HIVEP1: variants seen among roughly 807,000 people sequenced by gnomAD.
HIVEP1 encodes the protein zinc finger protein 40.
A neutral mutation model predicts 180.0 loss-of-function variants in HIVEP1; 36 were observed. That is an observed-to-expected ratio of 0.20 (90% confidence interval 0.15 to 0.26). HIVEP1 has a LOEUF of 0.26. Ranked by LOEUF, HIVEP1 falls within the 10% of genes least tolerant of loss-of-function variation. The pLI is 1.00. For synonymous variants in HIVEP1, 1,239 were observed against 1,239.0 expected (o/e 1.00, Z 0.00); for missense variants, 3,143 against 3,268.7 (o/e 0.96, Z 0.94).
chr6:12,166,571 AT>A (rs1760704666), downstream of HIVEP1, among the ~76,000 whole-genome samples: 1 of 152,230 alleles, frequency 6.6e-6, no homozygotes, highest in Non-Finnish European at 1.5e-5. Flanking sequence ...TCTATAAAAA[AT>A]ATTACCAAAG....
intron 2 of HIVEP1, among the ~76,000 whole-genome samples, chr6:12,041,409 G>A (rs1317862980): frequency 1.0e-4 from 12 of 117,302 alleles, no homozygotes; most frequent in South Asian, 3.4e-4. Context: ...GCGACAGAGC[G>A]AGACTCCGTC....
the HIVEP1 span, among the ~76,000 whole-genome samples, chr6:12,178,661 T>TGGC: frequency 2.6e-5 from 4 of 152,030 alleles, no homozygotes; most frequent in African/African-American, 7.2e-5. Flanking sequence ...GAGGTCTGAG[T>TGGC]TGATGGGGCC....
At chr6:12,189,722 T>C in the HIVEP1 span, among the ~76,000 whole-genome samples, 1 of 152,180 alleles carries the variant, frequency 6.6e-6, no homozygotes, top group Non-Finnish European at 1.5e-5. Context: ...TGGCACTTTC[T>C]ATCAAACATG....
At chr6:12,175,034 T>A in the HIVEP1 span, among the ~76,000 whole-genome samples, 2 of 152,198 alleles carry the variant, frequency 1.3e-5, no homozygotes, top group Admixed American at 1.3e-4. Flanking sequence ...TGACCATAGA[T>A]TGTGTCTCTA....
Position 12,124,797 on chromosome 6 carries a change from C to A in HIVEP1, c.5002C>A (p.Pro1668Thr), listed in dbSNP as rs1235248178. 2 of 1,614,112 alleles carry A rather than the reference C, an allele frequency of 1.2e-6. No homozygotes were observed. The highest frequency in any genetic ancestry group is 2.2e-5 in the South Asian group (2 of 91,082). The change falls in exon 4 of 9, where the codon CCA (proline) becomes ACA (threonine). Residue 1668 changes from proline (P) to threonine (T), a missense_variant. Pro to Thr is a conservative substitution (Grantham distance 38). Coordinates refer to ENST00000379388, the MANE Select transcript of HIVEP1 (RefSeq NM_002114.4). The stretch of plus-strand genomic sequence containing the variant: ...AGTGACCCAAGATCTGCCCAATCAG[C>A]CAATTTGCCAGACTAATCATAGTGT... ...ILVTQDLPNQPICQTNHSVVP... is the reference protein window; with the variant it reads ...ILVTQDLPNQTICQTNHSVVP...
At chr6:12,010,871 C>T (rs1400102156), upstream of HIVEP1, among the ~76,000 whole-genome samples, 5 of 152,310 alleles carry the variant, frequency 3.3e-5, no homozygotes, top group Middle Eastern at 3.4e-3. Flanking sequence ...TAATTACTCC[C>T]TCTTCCCCTT....
At chr6:12,159,704 T>A (rs546092514) in intron 7 of HIVEP1, among the ~76,000 whole-genome samples, 1 of 152,348 alleles carries the variant, frequency 6.6e-6, no homozygotes, top group African/African-American at 2.4e-5. Flanking sequence ...AGCCAGTCAA[T>A]ACTTTGGTAT....
At chr6:12,160,479 AAAG>A (rs1760328266) in intron 7 of HIVEP1, among the ~76,000 whole-genome samples, 1 of 152,240 alleles carries the variant, frequency 6.6e-6, no homozygotes, top group South Asian at 2.1e-4. Context: ...GTGTCAACCA[AAAG>A]AAGAAGCTAA....
intron 3 of HIVEP1, among the ~76,000 whole-genome samples, chr6:12,113,298 C>G (rs1020111257): frequency 6.6e-6 from 1 of 151,386 alleles, no homozygotes; most frequent in Non-Finnish European, 1.5e-5. Context: ...AACACTGGTG[C>G]GGTGAGTTGA....
At chr6:12,016,852 T>G (rs1299259218) in intron 2 of HIVEP1, among the ~76,000 whole-genome samples, 1 of 152,202 alleles carries the variant, frequency 6.6e-6, no homozygotes, top group Non-Finnish European at 1.5e-5. Flanking sequence ...CATTTGTTAC[T>G]GTAGGAAAAG....
chr6:12,121,052 T>C lies in HIVEP1; in HGVS notation c.1257T>C (p.Ser419=), dbSNP rs1231857268. Residue 419 remains serine (S), a synonymous_variant, in exon 4 of 9, where the codon AGT becomes AGC. Transcript: ENST00000379388. The surrounding 1 kb of genome is among the most constrained non-coding windows in gnomAD (Gnocchi z 5.3). ...EYCNRACAKP[S]VLLKHIRSHT... The stretch of plus-strand genomic sequence containing the variant: ...GCAATAGAGCATGTGCAAAGCCTAG[T>C]GTGCTTTTAAAGCATATCCGCTCCC... 6.2e-7 allele frequency: 1 copy of C among 1,614,210 alleles called. No individual in the cohort carries two copies. Among genetic ancestry groups the C allele is most frequent in the East Asian group, 2.2e-5 (1 of 44,890 alleles).
At chr6:12,147,292 AC>A (rs989926169) in intron 7 of HIVEP1, among the ~76,000 whole-genome samples, 8 of 152,092 alleles carry the variant, frequency 5.3e-5, no homozygotes, top group Admixed American at 2.6e-4. Context: ...ACACTTGAAA[AC>A]TATTATTTTT....
At chr6:12,157,750 A>G (rs2113673908) in intron 7 of HIVEP1, among the ~76,000 whole-genome samples, 1 of 147,684 alleles carries the variant, frequency 6.8e-6, no homozygotes, top group Non-Finnish European at 1.5e-5. Context: ...CCTCCATCTG[A>G]TGTTGTGTTC....
At position 12,124,030 on chromosome 6, in the gene HIVEP1, G is replaced by T. The variant is rs773217207; in HGVS notation, c.4235G>T (p.Arg1412Leu). 128 of 1,613,956 alleles carry T rather than the reference G, an allele frequency of 7.9e-5. No homozygotes were observed. Among genetic ancestry groups the T allele is most frequent in the Admixed American group, 5.2e-4 (31 of 59,988 alleles). ...TELQPPSSPS[R>L]VGVTGHVPLL... ...TTGCAGCCTCCATCTTCACCTTCTC[G>T]AGTGGGAGTGACTGGGCATGTGCCT... is the stretch of plus-strand genomic sequence containing the variant. The change falls in exon 4 of 9, where the codon CGA becomes CTA. Residue 1412 changes from arginine (R) to leucine (L), a missense_variant. This residue lies in a region of HIVEP1 where 1,357 missense variants were observed against 1,260.5 expected (regional missense o/e 1.08). Coordinates refer to ENST00000379388, the MANE Select transcript of HIVEP1 (RefSeq NM_002114.4).
chr6:12,023,627 T>C (rs565411474), intron 2 of HIVEP1, among the ~76,000 whole-genome samples: 6 of 151,736 alleles, frequency 4.0e-5, no homozygotes, highest in South Asian at 2.1e-4. Context: ...GATAAAAATA[T>C]GAAAATGGAG....
intron 2 of HIVEP1, among the ~76,000 whole-genome samples, chr6:12,036,720 A>G (rs532281343): frequency 2.8e-4 from 43 of 152,342 alleles, no homozygotes; most frequent in African/African-American, 1.0e-3. Context: ...CCTGGCTAAC[A>G]TGGGGGAACC....
chr6:12,078,837 G>T (rs901930931), intron 2 of HIVEP1, among the ~76,000 whole-genome samples: 4 of 151,486 alleles, frequency 2.6e-5, no homozygotes, highest in Admixed American at 6.6e-5. Context: ...AGTTTGTTTT[G>T]TTTTTTTTAA....
At chr6:12,017,544 G>A (rs113275014) in intron 2 of HIVEP1, among the ~76,000 whole-genome samples, 1,607 of 152,304 alleles carry the variant, frequency 0.011, 9 homozygotes, top group Admixed American at 0.018. Context: ...TGCAACTGCT[G>A]CCTCCGGCAG....
Position 12,161,708 on chromosome 6 carries a change from C to T in HIVEP1, c.6757C>T (p.Leu2253=), listed in dbSNP as rs751921215. 1 of 1,614,220 alleles carries T rather than the reference C, an allele frequency of 6.2e-7. No homozygotes were observed. Among genetic ancestry groups the T allele is most frequent in the Non-Finnish European group, 8.5e-7 (1 of 1,180,020 alleles). Residue 2253 remains leucine (L), a synonymous_variant, in exon 8 of 9, where the codon CTG becomes TTG. Transcript: ENST00000379388. ...TDPMDVLPRA[L]LTRMTVLSTA... is the part of the protein sequence containing the mutation. ...CCCAATGGACGTTCTGCCCAGGGCG[C>T]TGCTCACCAGAATGACTGTCCTGAG...
Sources: allele counts gnomAD v4.1 joint callset (sites outside exome capture counted in the v4.1 genomes callset), GRCh38; gene constraint gnomAD v4.1.1; regional missense constraint gnomAD v4.1.1; non-coding constraint Gnocchi (gnomAD v3.1); transcripts MANE v1.5; gene names NCBI Gene and HGNC (gene_info 2026-07-23, HGNC 2026-07-21).